CCDC178: variants seen among roughly 807,000 people sequenced by gnomAD.
CCDC178 encodes the protein coiled-coil domain-containing protein 178.
A neutral mutation model predicts 117.4 loss-of-function variants in CCDC178; 126 were observed. The observed-to-expected ratio is 1.07, with a 90% CI of 0.93 to 1.24. The LOEUF is 1.24. Ranked by LOEUF, CCDC178 falls within the 50% of genes most tolerant of loss-of-function variation. The pLI is 0.00. For missense variants in CCDC178, 1,030 were observed against 986.9 expected, an observed-to-expected ratio of 1.04 and a Z score of -0.59; for synonymous variants, 283 against 313.4, an observed-to-expected ratio of 0.90 and a Z score of 1.02.
At chr18:33,406,518 G>C (rs951980701) in intron 3 of CCDC178, among the ~76,000 whole-genome samples, 4 of 151,908 alleles carry the variant, frequency 2.6e-5, no homozygotes, top group Non-Finnish European at 5.9e-5. Flanking sequence ...GAGATGAAAA[G>C]AGAAACAGAA....
At chr18:33,197,238 C>T (rs991124450) in intron 20 of CCDC178, among the ~76,000 whole-genome samples, 23 of 152,002 alleles carry the variant, frequency 1.5e-4, no homozygotes, top group Admixed American at 7.2e-4. Flanking sequence ...TATGTTGCTT[C>T]GGCTGGTCTC....
chr18:33,113,698 A>C lies in CCDC178; in HGVS notation c.2239-20788T>G, dbSNP rs1437116650. ...ACCTATTGTGTAGTTTTGCAAAATTAGGTACATTATATGTTTTACTCCCTC... is the reference window on the plus strand; with the variant it reads ...ACCTATTGTGTAGTTTTGCAAAATTCGGTACATTATATGTTTTACTCCCTC... On this transcript the variant is annotated intron_variant, in intron 20 of 22. Coordinates refer to ENST00000383096, the MANE Select transcript of CCDC178 (RefSeq NM_001105528.4). Among the ~76,000 whole-genome samples the C allele has an allele frequency of 2.6e-5, 4 of 152,060 alleles. No individual in the cohort carries two copies. In the East Asian group the frequency reaches 7.7e-4, roughly 29 times the overall value.
At chr18:33,322,566 A>C (rs1357020605) in intron 11 of CCDC178, among the ~76,000 whole-genome samples, 1 of 151,800 alleles carries the variant, frequency 6.6e-6, no homozygotes, top group African/African-American at 2.4e-5. Context: ...AGCAATAATA[A>C]AAATTAATTA....
At chr18:33,188,217 C>T (rs1407252741) in intron 20 of CCDC178, among the ~76,000 whole-genome samples, 1 of 152,050 alleles carries the variant, frequency 6.6e-6, no homozygotes, top group East Asian at 1.9e-4. Context: ...TAATGTTCTC[C>T]AGAATGTGGA....
intron 12 of CCDC178, among the ~76,000 whole-genome samples, chr18:33,271,150 A>C (rs965065632): frequency 4.0e-5 from 6 of 151,580 alleles, no homozygotes; most frequent in Non-Finnish European, 7.4e-5. Flanking sequence ...AGTGTTACAC[A>C]AAAGAAGGCA....
At chr18:33,268,870 T>C (rs1018945879) in intron 12 of CCDC178, among the ~76,000 whole-genome samples, 1 of 151,762 alleles carries the variant, frequency 6.6e-6, no homozygotes, top group Non-Finnish European at 1.5e-5. Flanking sequence ...TGCAACAATC[T>C]AGGGAGCACT....
chr18:33,284,155 C>T (rs1568115700), intron 12 of CCDC178, among the ~76,000 whole-genome samples: 1 of 152,130 alleles, frequency 6.6e-6, no homozygotes, highest in African/African-American at 2.4e-5. Context: ...AACACAGGAA[C>T]AGAAAACCAA....
chr18:32,951,620 A>C (rs1473923185), intron 22 of CCDC178, among the ~76,000 whole-genome samples: 1 of 152,204 alleles, frequency 6.6e-6, no homozygotes, highest in Non-Finnish European at 1.5e-5. Context: ...TGGGGCACCA[A>C]GCCAAACCAT....
At chr18:33,013,087 A>T (rs2055906110) in intron 21 of CCDC178, among the ~76,000 whole-genome samples, 1 of 152,174 alleles carries the variant, frequency 6.6e-6, no homozygotes, top group South Asian at 2.1e-4. Context: ...TTTTCCTTTT[A>T]TAGGATTTCA....
At chr18:33,216,229 G>T (rs2059163782) in intron 18 of CCDC178, among the ~76,000 whole-genome samples, 1 of 151,992 alleles carries the variant, frequency 6.6e-6, no homozygotes, top group African/African-American at 2.4e-5. Flanking sequence ...TACTTTATAA[G>T]CATGTCATTT....
At chr18:33,373,823 C>A (rs917574362) in intron 5 of CCDC178, among the ~76,000 whole-genome samples, 3 of 152,088 alleles carry the variant, frequency 2.0e-5, no homozygotes, top group African/African-American at 4.8e-5. Context: ...GATTTTTGTT[C>A]TCTCCATGAA....
chr18:33,243,873 GA>G (rs890148413), intron 15 of CCDC178, among the ~76,000 whole-genome samples: 3 of 150,402 alleles, frequency 2.0e-5, no homozygotes, highest in Admixed American at 6.6e-5. Flanking sequence ...TATCCTCAAA[GA>G]AAAAAAAATT....
intron 21 of CCDC178, among the ~76,000 whole-genome samples, chr18:33,033,195 A>T (rs183867116): frequency 6.6e-6 from 1 of 152,106 alleles, no homozygotes; most frequent in Non-Finnish European, 1.5e-5. Context: ...TACAAAAGGA[A>T]TGAATTTGGA....
chr18:33,423,936 C>T lies in CCDC178; in HGVS notation c.-22-11826G>A, dbSNP rs184821179. ...ACTTATCTGTATTTATAGATTTTAT[C>T]TTCAACATATTGTTTCTTTTTATCA... On this transcript the variant is annotated intron_variant, in intron 2 of 22. Transcript: ENST00000383096. 1.6e-3 allele frequency among the ~76,000 whole-genome samples: 241 copies of T among 152,264 alleles called. 1 individual carries two copies. The highest frequency in any genetic ancestry group is 2.7e-3 in the South Asian group (13 of 4,824).
intron 3 of CCDC178, among the ~76,000 whole-genome samples, chr18:33,406,077 A>G (rs1037295598): frequency 6.6e-6 from 1 of 152,106 alleles, no homozygotes; most frequent in East Asian, 1.9e-4. Context: ...TATCTAAGAG[A>G]GAGAGAAGTA....
intron 2 of CCDC178, among the ~76,000 whole-genome samples, chr18:33,432,093 A>G (rs964720025): frequency 3.3e-5 from 5 of 152,210 alleles, no homozygotes; most frequent in Non-Finnish European, 7.3e-5. Context: ...CCTGGGAGCC[A>G]CATCAAGTCA....
At chr18:33,342,637 C>A (rs997026768) in intron 9 of CCDC178, among the ~76,000 whole-genome samples, 14 of 152,104 alleles carry the variant, frequency 9.2e-5, no homozygotes, top group African/African-American at 3.4e-4. Flanking sequence ...AAGGTGCTAG[C>A]CAAAGAGGAT....
intron 19 of CCDC178, among the ~76,000 whole-genome samples, chr18:33,215,092 C>T (rs1330731804): frequency 6.6e-6 from 1 of 151,944 alleles, no homozygotes; most frequent in Non-Finnish European, 1.5e-5. Context: ...ATATCCCCGA[C>T]TCATGAGGTG....
chr18:33,436,404 T>C (rs1424475276), intron 2 of CCDC178, among the ~76,000 whole-genome samples: 1 of 152,270 alleles, frequency 6.6e-6, no homozygotes, highest in East Asian at 1.9e-4. Flanking sequence ...TGAGCAGATA[T>C]GAGCTGGAAA....
Sources: gnomAD v4.1 joint callset for allele counts (sites outside exome capture counted in the v4.1 genomes callset) on GRCh38, gnomAD v4.1.1 for gene constraint, MANE v1.5 for transcripts, NCBI Gene and HGNC (gene_info 2026-07-23, HGNC 2026-07-21) for gene names.